The following LRMDA variants were observed in gnomAD, a reference collection of about 807,000 sequenced individuals.
LRMDA encodes leucine rich melanocyte differentiation associated, also known as leucine-rich melanocyte differentiation-associated protein.
In LRMDA, 18 loss-of-function variants were observed where a neutral mutation model predicts 29.8. The ratio of observed to expected loss-of-function variants is 0.60; its 90% CI spans 0.42 to 0.90. The LOEUF (loss-of-function observed/expected upper bound fraction) is 0.90, where lower values mean the gene tolerates loss of function less well. LRMDA is among the 40% of genes least tolerant of loss of function. LRMDA has a pLI of 0.00. For missense variants in LRMDA, 273 were observed against 273.9 expected, an observed-to-expected ratio of 1.00 and a Z score of 0.02; for synonymous variants, 125 against 109.4, an observed-to-expected ratio of 1.14 and a Z score of -0.89.
chr10:76,413,528 G>A (rs1841984722), intron 6 of LRMDA, among the ~76,000 whole-genome samples: 1 of 152,052 alleles, frequency 6.6e-6, no homozygotes, highest in Non-Finnish European at 1.5e-5. Context: ...AACAGTATGG[G>A]GGAAACTGAC....
chr10:76,257,640 G>A (rs1348797964), intron 5 of LRMDA, among the ~76,000 whole-genome samples: 2 of 152,020 alleles, frequency 1.3e-5, no homozygotes, highest in African/African-American at 4.8e-5. Flanking sequence ...GGCCAGCACT[G>A]GGTATTTTTA....
intron 2 of LRMDA, among the ~76,000 whole-genome samples, chr10:75,750,505 G>T: frequency 9.1e-6 from 1 of 110,148 alleles, no homozygotes; most frequent in East Asian, 3.0e-4. Flanking sequence ...GGCAGAGGGG[G>T]TCCTCACATC....
At chr10:76,017,866 A>C (rs1847903833) in intron 2 of LRMDA, among the ~76,000 whole-genome samples, 1 of 152,174 alleles carries the variant, frequency 6.6e-6, no homozygotes. Context: ...ATGAGAGCTG[A>C]AGCTTCAACC....
intron 1 of LRMDA, among the ~76,000 whole-genome samples, chr10:75,438,146 C>T (rs1352840266): frequency 6.6e-6 from 1 of 152,136 alleles, no homozygotes; most frequent in African/African-American, 2.4e-5. Flanking sequence ...CAATTTTAGT[C>T]CAATTTCCAT....
intron 2 of LRMDA, among the ~76,000 whole-genome samples, chr10:75,536,085 C>T (rs10824316): frequency 0.49 from 75,166 of 151,928 alleles, 20,929 homozygotes; most frequent in Non-Finnish European, 0.61. Context: ...ATGCCGCCGT[C>T]GCTCTGTTCC....
intron 6 of LRMDA, among the ~76,000 whole-genome samples, chr10:76,325,072 A>G (rs964409228): frequency 1.3e-5 from 2 of 152,252 alleles, no homozygotes; most frequent in Non-Finnish European, 2.9e-5. Flanking sequence ...GACATGAAAT[A>G]TCATTTGAAA....
intron 2 of LRMDA, among the ~76,000 whole-genome samples, chr10:75,903,307 C>T (rs1335119415): frequency 6.6e-6 from 1 of 152,198 alleles, no homozygotes; most frequent in Non-Finnish European, 1.5e-5. Flanking sequence ...GCCCTCCCTC[C>T]TGGGTGTCGG....
intron 5 of LRMDA, among the ~76,000 whole-genome samples, chr10:76,317,170 C>T (rs182200720): frequency 1.3e-5 from 2 of 150,006 alleles, no homozygotes; most frequent in East Asian, 4.0e-4. Flanking sequence ...TAATCACACT[C>T]TGGACTTTAG....
At chr10:76,048,666 A>G (rs1000216404) in intron 4 of LRMDA, among the ~76,000 whole-genome samples, 4 of 152,228 alleles carry the variant, frequency 2.6e-5, no homozygotes, top group Non-Finnish European at 4.4e-5. Context: ...GGTGGCAATT[A>G]CAACACAACA....
chr10:75,551,658 T>A (rs774875414), intron 2 of LRMDA, among the ~76,000 whole-genome samples: 10 of 152,168 alleles, frequency 6.6e-5, no homozygotes, highest in Non-Finnish European at 1.2e-4. Context: ...GCAAAGGACA[T>A]GAACTCATCC....
intron 5 of LRMDA, among the ~76,000 whole-genome samples, chr10:76,166,990 A>G (rs1483968566): frequency 7.2e-6 from 1 of 139,094 alleles, no homozygotes; most frequent in Non-Finnish European, 1.6e-5. Context: ...ACTTTTTATA[A>G]TAGATAGCCA....
chr10:76,066,485 C>T (rs1319733699), intron 5 of LRMDA, among the ~76,000 whole-genome samples: 1 of 152,146 alleles, frequency 6.6e-6, no homozygotes, highest in African/African-American at 2.4e-5. Context: ...CCGGGTCTTC[C>T]TAAGCCCCAA....
chr10:75,820,592 G>C (rs1349245778), intron 2 of LRMDA, among the ~76,000 whole-genome samples: 1 of 151,784 alleles, frequency 6.6e-6, no homozygotes, highest in South Asian at 2.1e-4. Context: ...CTTATACCTA[G>C]AAAAACAAGA....
intron 2 of LRMDA, among the ~76,000 whole-genome samples, chr10:75,469,814 G>A (rs1005355861): frequency 2.6e-5 from 4 of 152,156 alleles, no homozygotes; most frequent in Admixed American, 2.0e-4. Flanking sequence ...GGGTGCACAC[G>A]GCCTTCTGGG....
intron 5 of LRMDA, among the ~76,000 whole-genome samples, chr10:76,096,866 G>C (rs1849319304): frequency 6.6e-6 from 1 of 151,912 alleles, no homozygotes; most frequent in Non-Finnish European, 1.5e-5. Flanking sequence ...ATTATAAATG[G>C]TATGAGCTTC....
chr10:75,901,180 G>A (rs1845666049), intron 2 of LRMDA, among the ~76,000 whole-genome samples: 1 of 152,202 alleles, frequency 6.6e-6, no homozygotes, highest in Non-Finnish European at 1.5e-5. Flanking sequence ...AACTCCAGTG[G>A]TCTGGGAGTA....
At position 76,472,699 on chromosome 10, in the gene LRMDA, G is replaced by A. The variant is rs142418926; in HGVS notation, c.602-84510G>A. Among the ~76,000 whole-genome samples, 11 of 151,630 alleles carry A rather than the reference G, an allele frequency of 7.3e-5. No individual in the cohort carries two copies. In the East Asian group the frequency reaches 2.1e-3, roughly 29 times the overall value. The stretch of plus-strand genomic sequence containing the variant: ...ATTAAAATCAGGAATGAAAGAGGGA[G>A]CATTACTATCAACCTGACAGAAATA... On this transcript the variant is annotated intron_variant, in intron 6 of 6. Coordinates refer to ENST00000611255, the MANE Select transcript of LRMDA (RefSeq NM_001305581.2).
intron 6 of LRMDA, among the ~76,000 whole-genome samples, chr10:76,525,042 G>A (rs939809150): frequency 2.6e-5 from 4 of 152,112 alleles, no homozygotes; most frequent in African/African-American, 4.8e-5. Flanking sequence ...GTGTCTGAGG[G>A]CACATTCAAT....
chr10:76,395,839 T>C (rs981933525), intron 6 of LRMDA, among the ~76,000 whole-genome samples: 4 of 152,248 alleles, frequency 2.6e-5, no homozygotes, highest in Non-Finnish European at 5.9e-5. Context: ...TCTAAAACAG[T>C]GTGAAAACAC....
Sources: allele counts gnomAD v4.1 joint callset (sites outside exome capture counted in the v4.1 genomes callset), GRCh38; gene constraint gnomAD v4.1.1; transcripts MANE v1.5; gene names NCBI Gene and HGNC (gene_info 2026-07-23, HGNC 2026-07-21).